Variants in SORCS2 observed in about 807,000 individuals in gnomAD.
SORCS2 encodes the protein sortilin related VPS10 domain containing receptor 2.
Under a neutral mutation model 141.6 loss-of-function variants are expected in SORCS2, and 100 were observed. The ratio of observed to expected loss-of-function variants is 0.71; its 90% CI spans 0.60 to 0.83. SORCS2 has a LOEUF of 0.83. Among genes scored for constraint, SORCS2 ranks in the 40% least tolerant of loss-of-function variants. The pLI, the probability that SORCS2 is intolerant of heterozygous loss-of-function variation, is 0.00. For missense variants in SORCS2, 1,646 were observed against 1,560.2 expected, an observed-to-expected ratio of 1.05 and a Z score of -0.93; for synonymous variants, 789 against 676.9, an observed-to-expected ratio of 1.17 and a Z score of -2.57.
At chr4:7,716,561 TC>T (rs1346416093) in intron 17 of SORCS2, among the ~76,000 whole-genome samples, 2 of 151,924 alleles carry the variant, frequency 1.3e-5, no homozygotes, top group African/African-American at 2.4e-5. Context: ...CATCAATCTA[TC>T]CATCCATTCA....
intron 2 of SORCS2, among the ~76,000 whole-genome samples, chr4:7,477,974 G>T (rs1163553333): frequency 6.6e-6 from 1 of 152,186 alleles, no homozygotes; most frequent in Non-Finnish European, 1.5e-5. Context: ...GTGTGTCTCA[G>T]AATGGTGCCT....
At chr4:7,456,968 G>A (rs1728952287) in intron 2 of SORCS2, among the ~76,000 whole-genome samples, 1 of 152,120 alleles carries the variant, frequency 6.6e-6, no homozygotes, top group Admixed American at 6.5e-5. Flanking sequence ...GGGTTGTGGT[G>A]AGGGGTGAGT....
intron 2 of SORCS2, among the ~76,000 whole-genome samples, chr4:7,528,480 C>A (rs922258782): frequency 1.3e-5 from 2 of 151,958 alleles, no homozygotes; most frequent in Non-Finnish European, 2.9e-5. Context: ...GGCTGTAGTG[C>A]AGTGGTGCGA....
At chr4:7,504,483 C>G (rs10032607) in intron 2 of SORCS2, among the ~76,000 whole-genome samples, 10,707 of 151,020 alleles carry the variant, frequency 0.071, 939 homozygotes, top group African/African-American at 0.21. Context: ...ATCCTTAAAT[C>G]CTGCTCATTT....
intron 14 of SORCS2, among the ~76,000 whole-genome samples, chr4:7,705,794 G>A (rs2109020620): frequency 6.6e-6 from 1 of 152,346 alleles, no homozygotes; most frequent in South Asian, 2.1e-4. Flanking sequence ...GCCCCTGAAT[G>A]CCCCAGAGGG....
Position 7,648,425 on chromosome 4 carries a change from G to A in SORCS2, c.814-5709G>A, listed in dbSNP as rs558367225. Among the ~76,000 whole-genome samples the A allele has an allele frequency of 3.3e-4, 50 of 152,244 alleles. No individual in the cohort carries two copies. The highest frequency in any genetic ancestry group is 5.4e-4 in the Non-Finnish European group (37 of 68,000). ...GTGGCATGAGCCTCAGAGTAGGCCT[G>A]ATGTCACCCCCAGGCAGCAGCGACC... On this transcript the variant is annotated intron_variant, in intron 4 of 26. Coordinates refer to ENST00000507866, the MANE Select transcript of SORCS2 (RefSeq NM_020777.3). This position sits in a 1 kb window ranked among gnomAD's most constrained non-coding sequence, Gnocchi z 4.2.
intron 4 of SORCS2, among the ~76,000 whole-genome samples, chr4:7,647,198 G>A (rs549748878): frequency 2.6e-4 from 40 of 152,338 alleles, no homozygotes; most frequent in African/African-American, 8.7e-4. Flanking sequence ...TTGGGGAACC[G>A]TGGGAGTGGG....
At chr4:7,619,337 T>C (rs1273193026) in intron 3 of SORCS2, among the ~76,000 whole-genome samples, 2 of 152,322 alleles carry the variant, frequency 1.3e-5, no homozygotes, top group South Asian at 2.1e-4. Flanking sequence ...AGCATTTTTA[T>C]TGGGAAGCTT....
intron 12 of SORCS2, among the ~76,000 whole-genome samples, chr4:7,702,645 C>T (rs1016479828): frequency 6.6e-6 from 1 of 152,208 alleles, no homozygotes; most frequent in South Asian, 2.1e-4. Context: ...ATCTGGTGGT[C>T]GGCCATTCAT....
intron 1 of SORCS2, among the ~76,000 whole-genome samples, chr4:7,226,416 T>C (rs1728993283): frequency 6.6e-6 from 1 of 152,024 alleles, no homozygotes; most frequent in Non-Finnish European, 1.5e-5. Context: ...TGAACTGCAG[T>C]GTGTGCCCCA....
intron 3 of SORCS2, among the ~76,000 whole-genome samples, chr4:7,554,631 G>T (rs960452320): frequency 1.3e-5 from 2 of 152,200 alleles, no homozygotes; most frequent in African/African-American, 4.8e-5. Context: ...TGAAAAAGAT[G>T]ACTTCCTTGT....
rs1056105168 is a variant in SORCS2, at chr4:7,201,226, C to T, written c.480+8100C>T. ...GAGAATATTAAGGCTGAAGGAGAGGCCTAGGGGCTGGAGCAGCCTGGAGCG... is the reference window on the plus strand; with the variant it reads ...GAGAATATTAAGGCTGAAGGAGAGGTCTAGGGGCTGGAGCAGCCTGGAGCG... On this transcript the variant is annotated intron_variant, in intron 1 of 26. Coordinates refer to ENST00000507866, the MANE Select transcript of SORCS2 (RefSeq NM_020777.3). The surrounding 1 kb of genome is among the most constrained non-coding windows in gnomAD (Gnocchi z 4.4). Among the ~76,000 whole-genome samples, 8 of 152,162 alleles carry T rather than the reference C, an allele frequency of 5.3e-5. No homozygotes were observed. Among genetic ancestry groups the T allele is most frequent in the African/African-American group, 1.7e-4 (7 of 41,430 alleles).
chr4:7,595,620 T>C (rs6852337), intron 3 of SORCS2, among the ~76,000 whole-genome samples: 45,902 of 151,496 alleles, frequency 0.3, 7,315 homozygotes, highest in Middle Eastern at 0.38. Flanking sequence ...CTAGGAGCTG[T>C]GTGCCAGGAA....
In SORCS2 at chr4:7,433,578, A is replaced by G. The variant is rs61734061; in HGVS notation, c.548+37223A>G. 12,867 of 1,611,916 alleles carry G rather than the reference A, an allele frequency of 8.0e-3. 776 individuals carry two copies. The African/African-American group carries it at 0.14, about 17-fold the overall frequency. ...TGACGAAGTGCTTGCACTGGATCAT[A>G]TAGGGCAGCGGCAGGATGCTGCAGC... On this transcript the variant is annotated intron_variant, in intron 2 of 26. Coordinates refer to ENST00000507866, the MANE Select transcript of SORCS2 (RefSeq NM_020777.3).
intron 1 of SORCS2, among the ~76,000 whole-genome samples, chr4:7,247,351 T>C (rs1000021175): frequency 6.6e-6 from 1 of 152,136 alleles, no homozygotes; most frequent in African/African-American, 2.4e-5. Context: ...TTCTGGGTAA[T>C]GAAATCCATT....
chr4:7,393,611 A>G (rs1165125083), intron 1 of SORCS2, among the ~76,000 whole-genome samples: 1 of 152,050 alleles, frequency 6.6e-6, no homozygotes, highest in African/African-American at 2.4e-5. Flanking sequence ...TCATCTGTAA[A>G]ACAGGGATAA....
chr4:7,393,910 A>C (rs1311000674), intron 1 of SORCS2, among the ~76,000 whole-genome samples: 4 of 152,154 alleles, frequency 2.6e-5, no homozygotes, highest in Admixed American at 2.6e-4. Context: ...GTCTGACCTC[A>C]CTTCAGGGTC....
intron 3 of SORCS2, among the ~76,000 whole-genome samples, chr4:7,627,837 C>G (rs536111542): frequency 3.3e-5 from 5 of 152,362 alleles, no homozygotes; most frequent in African/African-American, 1.2e-4. Context: ...CTTTCGGTAT[C>G]TGGTGGAGGA....
intron 3 of SORCS2, among the ~76,000 whole-genome samples, chr4:7,532,816 T>C (rs930940577): frequency 5.9e-5 from 9 of 151,940 alleles, no homozygotes; most frequent in African/African-American, 1.9e-4. Context: ...TGTTTTTGTT[T>C]TGTTTTGTTT....
Sources: allele counts gnomAD v4.1 joint callset (sites outside exome capture counted in the v4.1 genomes callset), GRCh38; gene constraint gnomAD v4.1.1; non-coding constraint Gnocchi (gnomAD v3.1); transcripts MANE v1.5; gene names NCBI Gene and HGNC (gene_info 2026-07-23, HGNC 2026-07-21).